The following PLCXD1 variants were observed in gnomAD, a reference collection of about 807,000 sequenced individuals.
PLCXD1 encodes phosphatidylinositol specific phospholipase C X domain containing 1.
A neutral mutation model predicts 37.8 loss-of-function variants in PLCXD1; 45 were observed. That is an observed-to-expected ratio of 1.19 (90% confidence interval 0.94 to 1.53). PLCXD1 has a LOEUF of 1.53. PLCXD1 is among the 40% of genes most tolerant of loss of function. The probability of loss-of-function intolerance (pLI) is 0.00; values close to 1 mark genes in which losing one functional copy is unlikely to be tolerated. For synonymous variants in PLCXD1, 246 were observed against 206.9 expected, an observed-to-expected ratio of 1.19 and a Z score of -1.62; for missense variants, 539 against 454.7, an observed-to-expected ratio of 1.19 and a Z score of -1.69.
At position 301,324 on chromosome X, in the gene PLCXD1, T is replaced by G. The variant is rs2070009396; in HGVS notation, c.*1989T>G. The G allele has an allele frequency of 3.3e-5, 5 of 151,922 alleles. No individual in the cohort carries two copies. Among genetic ancestry groups the G allele is most frequent in the Admixed American group, 2.6e-4 (4 of 15,222 alleles). 9.4% of individuals were successfully genotyped at this position (151,922 alleles called of 1,614,324 possible). The stretch of plus-strand genomic sequence containing the variant: ...CCATGCCCAGGTAATTTTATTTTTT[T>G]GTAGAGACGTGGTCTGGCTATGTTG... On this transcript the variant is annotated 3_prime_UTR_variant, in exon 7 of 7. Coordinates refer to ENST00000381657, the MANE Select transcript of PLCXD1 (RefSeq NM_018390.4).
In PLCXD1 at chrX:291,507, C is replaced by CA. The variant is rs775502884; in HGVS notation, c.403dup (p.Thr135AsnfsTer69). ...AGCACCCCCCTCCCCAGGACACACT[C>CA]ACGGAAATCTCGGAGTGGCTGGAGC... is the stretch of plus-strand genomic sequence containing the variant. On this transcript the variant is annotated frameshift_variant, in exon 5 of 7. Transcript: ENST00000381657. LOFTEE classifies it high-confidence loss of function. 6 of 1,612,602 alleles carry CA rather than the reference C, an allele frequency of 3.7e-6. No individual in the cohort carries two copies. Among genetic ancestry groups the CA allele is most frequent in the Non-Finnish European group, 5.1e-6 (6 of 1,179,834 alleles).
rs771865156 is a variant in PLCXD1, at chrX:302,270, A to AC, written c.*2945dup. 102,312 of 145,240 alleles carry AC rather than the reference A, an allele frequency of 0.7. 40,082 individuals are homozygous for AC. The highest frequency in any genetic ancestry group is 0.89 in the South Asian group (3,986 of 4,480). The allele number at this position is 145,240 out of a possible 1,614,324, so 9.0% of individuals were successfully genotyped here. ...TTAAAGTCCTACAGGTACAAGGGAGACCCCCCCCCCACGGAAGGCGCCCCC... is the reference window on the plus strand; with the variant it reads ...TTAAAGTCCTACAGGTACAAGGGAGACCCCCCCCCCCACGGAAGGCGCCCCC... On this transcript the variant is annotated 3_prime_UTR_variant, in exon 7 of 7. Transcript: ENST00000381657.
chrX:284,141 C>A (rs764715109), intron 1 of PLCXD1, 26 bp from the exon 2 acceptor site: 3 of 1,605,602 alleles, frequency 1.9e-6, no homozygotes, highest in Non-Finnish European at 2.6e-6. Flanking sequence ...CCGTAAAAAA[C>A]CTCTTTTCCT....
chrX:292,321 T>C (rs183284980), intron 5 of PLCXD1, among the ~76,000 whole-genome samples: 7 of 151,550 alleles, frequency 4.6e-5, no homozygotes, highest in Admixed American at 6.6e-5. Flanking sequence ...TAGCCGGGCG[T>C]GGTGGCGGGC....
chrX:286,889 G>A lies in PLCXD1; in HGVS notation c.128-1844G>A, dbSNP rs141440958. Among the ~76,000 whole-genome samples the A allele has an allele frequency of 5.4e-3, 820 of 151,870 alleles. 6 individuals are homozygous for A. Among genetic ancestry groups the A allele is most frequent in the African/African-American group, 0.019 (794 of 41,402 alleles). On this transcript the variant is annotated intron_variant, in intron 2 of 6. Coordinates refer to ENST00000381657, the MANE Select transcript of PLCXD1 (RefSeq NM_018390.4). ...GTAGGGGGCAGCAGGAGAAGTACTG[G>A]TCTCCTTCCTTAACACCTTAGCTCA...
Position 302,368 on chromosome X carries a change from A to T in PLCXD1, c.*3033A>T, listed in dbSNP as rs2070043755. 6.6e-6 allele frequency: 1 copy of T among 151,872 alleles called. No homozygotes were observed. Among genetic ancestry groups the T allele is most frequent in the African/African-American group, 2.4e-5 (1 of 41,326 alleles). The allele number at this position is 151,872 out of a possible 1,614,324, so 9.4% of individuals were successfully genotyped here. A position where few individuals can be genotyped will look rare whatever the true frequency, so the allele number is the denominator to read the frequency against. On this transcript the variant is annotated 3_prime_UTR_variant, in exon 7 of 7. Coordinates refer to ENST00000381657, the MANE Select transcript of PLCXD1 (RefSeq NM_018390.4). The stretch of plus-strand genomic sequence containing the variant: ...CTGCCTCTGAAGCGTGAACGGTCCT[A>T]GTTTCAGACGCAGATCCTGCAAATA...
chrX:296,451 G>A (rs2069811307), intron 6 of PLCXD1, among the ~76,000 whole-genome samples: 1 of 152,190 alleles, frequency 6.6e-6, no homozygotes, highest in African/African-American at 2.4e-5. Flanking sequence ...ACCACTGAGA[G>A]AACTTGGCCA....
chrX:289,345 C>T (rs527403749), intron 3 of PLCXD1, among the ~76,000 whole-genome samples: 2 of 152,030 alleles, frequency 1.3e-5, no homozygotes, highest in African/African-American at 2.4e-5. Context: ...CCCCAGCCTC[C>T]GAAAGTGCTG....
intron 6 of PLCXD1, among the ~76,000 whole-genome samples, chrX:295,862 CAG>C (rs2069789973): frequency 1.3e-5 from 2 of 149,772 alleles, no homozygotes; most frequent in African/African-American, 2.5e-5. Flanking sequence ...TTTTTTGAGA[CAG>C]AGTTTTGCTC....
Position 299,540 on chromosome X carries a change from A to C in PLCXD1, c.*205A>C, listed in dbSNP as rs1010719383. The stretch of plus-strand genomic sequence containing the variant: ...TTTGGGAGGCCGAGGTGGGTGGATC[A>C]TGAGGTCAGGAGCTTGAGAGCAGCC... On this transcript the variant is annotated 3_prime_UTR_variant, in exon 7 of 7. Transcript: ENST00000381657. The C allele has an allele frequency of 2.3e-5, 14 of 605,190 alleles. No homozygotes were observed. The African/African-American group carries it at 2.6e-4, about 11-fold the overall frequency. 37.5% of individuals were successfully genotyped at this position (605,190 alleles called of 1,614,324 possible).
chrX:299,152 G>T lies in PLCXD1; in HGVS notation c.789G>T (p.Ala263=). The T allele has an allele frequency of 6.2e-7, 1 of 1,613,914 alleles. No homozygotes were observed. Among genetic ancestry groups the T allele is most frequent in the Non-Finnish European group, 8.5e-7 (1 of 1,179,858 alleles). Residue 263 remains alanine (A), a synonymous_variant, in exon 7 of 7, where the codon GCG becomes GCT. Coordinates refer to ENST00000381657, the MANE Select transcript of PLCXD1 (RefSeq NM_018390.4). ...NLTENLQYVL[A]HPSESLEKMT... is the part of the protein sequence containing the mutation. ...CGGAGAACCTGCAGTACGTTCTGGC[G>T]CACCCGTCCGAGTCCCTGGAGAAGA...
At chrX:292,637 G>T (rs1377252882) in intron 5 of PLCXD1, among the ~76,000 whole-genome samples, 3 of 149,306 alleles carry the variant, frequency 2.0e-5, no homozygotes, top group South Asian at 4.3e-4. Context: ...ATTTGAGAGG[G>T]AGTCTCGGTC....
intron 2 of PLCXD1, among the ~76,000 whole-genome samples, chrX:284,626 A>C (rs1464280299): frequency 1.3e-5 from 2 of 150,262 alleles, no homozygotes; most frequent in African/African-American, 4.9e-5. Context: ...GCACATCTGC[A>C]CACGCACATC....
upstream of PLCXD1, among the ~76,000 whole-genome samples, chrX:279,705 C>T (rs1430872697): frequency 7.4e-5 from 11 of 149,112 alleles, no homozygotes; most frequent in Admixed American, 1.3e-4. Context: ...ATCCAGGAGG[C>T]GGAGGCTGCA....
intron 2 of PLCXD1, among the ~76,000 whole-genome samples, chrX:287,334 CAT>C (rs1324244525): frequency 1.6e-4 from 22 of 141,740 alleles, no homozygotes; most frequent in African/African-American, 4.6e-4. Flanking sequence ...TATTTATAAA[CAT>C]AATATGTGGA....
At chrX:294,780 G>C (rs113017614) in intron 6 of PLCXD1, among the ~76,000 whole-genome samples, 14,009 of 152,116 alleles carry the variant, frequency 0.092, 704 homozygotes, top group Non-Finnish European at 0.11. Flanking sequence ...CTCCAGCCTG[G>C]GCAACAGAGC....
chrX:283,878 C>T (rs1602842242), intron 1 of PLCXD1: 1 of 192,262 alleles, frequency 5.2e-6, no homozygotes, highest in Non-Finnish European at 1.1e-5. Context: ...CTCTCTCTCT[C>T]TTTTTTTTTT....
intron 6 of PLCXD1, 125 bp from the exon 7 acceptor site, chrX:298,972 T>C: frequency 1.2e-5 from 9 of 758,784 alleles, no homozygotes; most frequent in Non-Finnish European, 2.1e-5. Context: ...CCAATTTCCT[T>C]GTTGGACATG....
upstream of PLCXD1, among the ~76,000 whole-genome samples, chrX:280,356 GGGGGGCCGTGCAGGGGGAA>G (rs1569564335): frequency 1.1e-4 from 9 of 80,332 alleles, no homozygotes; most frequent in Non-Finnish European, 2.0e-4. Context: ...GCAGGGGGAA[GGGGGGCCGTGCAGGGGGAA>G]GGGAGGCCGT....
Sources: allele counts gnomAD v4.1 joint callset (sites outside exome capture counted in the v4.1 genomes callset), GRCh38; gene constraint gnomAD v4.1.1; transcripts MANE v1.5; gene names NCBI Gene and HGNC (gene_info 2026-07-23, HGNC 2026-07-21).